The following ATP8A1 variants were observed in gnomAD, a reference collection of about 807,000 sequenced individuals.
ATP8A1 encodes phospholipid-transporting ATPase IA.
ATP8A1 carries 90 observed loss-of-function variants against 177.7 expected under a neutral mutation model. The observed-to-expected ratio is 0.51, with a 90% CI of 0.43 to 0.60. The LOEUF is 0.60. Ranked by LOEUF, ATP8A1 falls within the 20% of genes least tolerant of loss-of-function variation. ATP8A1 has a pLI of 0.00. For synonymous variants in ATP8A1, 493 were observed against 485.9 expected (o/e 1.01, Z -0.19); for missense variants, 1,072 against 1,392.8 (o/e 0.77, Z 3.67).
chr4:42,460,727 A>G (rs1042564020), intron 27 of ATP8A1, among the ~76,000 whole-genome samples: 1 of 152,152 alleles, frequency 6.6e-6, no homozygotes, highest in African/African-American at 2.4e-5. Context: ...AACAGTCAAC[A>G]GATTAAATGG....
chr4:42,615,034 A>C (rs1736758834), intron 5 of ATP8A1, among the ~76,000 whole-genome samples: 3 of 152,174 alleles, frequency 2.0e-5, no homozygotes, highest in Non-Finnish European at 4.4e-5. Flanking sequence ...TTCCACACAG[A>C]TCATCTCTTT....
chr4:42,609,519 C>G (rs941626022), intron 5 of ATP8A1, among the ~76,000 whole-genome samples: 1 of 152,210 alleles, frequency 6.6e-6, no homozygotes, highest in African/African-American at 2.4e-5. Flanking sequence ...AGTCATTCCA[C>G]AACTCCTTGC....
chr4:42,601,114 C>A (rs1277538988), intron 5 of ATP8A1, among the ~76,000 whole-genome samples: 3 of 143,200 alleles, frequency 2.1e-5, no homozygotes. Flanking sequence ...TGGCTCACTG[C>A]AACCTCCGCC....
At chr4:42,435,970 A>G (rs1715946211) in intron 33 of ATP8A1, among the ~76,000 whole-genome samples, 1 of 151,964 alleles carries the variant, frequency 6.6e-6, no homozygotes, top group African/African-American at 2.4e-5. Context: ...TCTCCTTCCC[A>G]TTCCCTGGCC....
chr4:42,420,859 C>G (rs1308936128), intron 35 of ATP8A1, among the ~76,000 whole-genome samples: 1 of 151,396 alleles, frequency 6.6e-6, no homozygotes, highest in East Asian at 1.9e-4. Context: ...AGCTCTGCCT[C>G]CAGGATTCAC....
In ATP8A1 at chr4:42,549,046, C is replaced by A. The variant is rs1414720650; in HGVS notation, c.1619G>T (p.Arg540Ile). The A allele has an allele frequency of 6.2e-7, 1 of 1,612,074 alleles. No homozygotes were observed. Among genetic ancestry groups the A allele is most frequent in the Admixed American group, 1.7e-5 (1 of 59,880 alleles). Residue 540 changes from arginine to isoleucine, a missense_variant, in exon 19 of 37, where the codon AGA becomes ATA. By Grantham distance (97) the Arg-to-Ile change is moderately conservative. This residue lies in a region of ATP8A1 where 388 missense variants were observed against 471.7 expected (regional missense o/e 0.82). Coordinates refer to ENST00000381668, the MANE Select transcript of ATP8A1 (RefSeq NM_006095.2). ...VIIDSLGQEERYELLNVLEFT... is the reference protein window; with the variant it reads ...VIIDSLGQEEIYELLNVLEFT... Reference sequence around the variant, plus strand: ...CTCCAAGACATTGAGCAATTCATATCTTTCTTCCTGCCCCAGCTAAGAAGA... The same window carrying A: ...CTCCAAGACATTGAGCAATTCATATATTTCTTCCTGCCCCAGCTAAGAAGA...
chr4:42,519,316 A>C (rs767677117), intron 22 of ATP8A1, among the ~76,000 whole-genome samples: 1 of 152,032 alleles, frequency 6.6e-6, no homozygotes, highest in Non-Finnish European at 1.5e-5. Flanking sequence ...GCTGGTCTCA[A>C]ACTCCTGGGC....
At chr4:42,603,575 C>T (rs1414826027) in intron 5 of ATP8A1, among the ~76,000 whole-genome samples, 2 of 152,180 alleles carry the variant, frequency 1.3e-5, no homozygotes, top group African/African-American at 2.4e-5. Context: ...ATATGCCTCC[C>T]TGTTTATCCC....
At chr4:42,471,566 T>C (rs908653610) in intron 25 of ATP8A1, among the ~76,000 whole-genome samples, 5 of 152,250 alleles carry the variant, frequency 3.3e-5, no homozygotes, top group Admixed American at 6.5e-5. Flanking sequence ...TATGCATGTA[T>C]GTGCATGTGT....
intron 1 of ATP8A1, among the ~76,000 whole-genome samples, chr4:42,655,405 C>T (rs550261426): frequency 2.6e-4 from 39 of 152,288 alleles, no homozygotes; most frequent in Admixed American, 1.2e-3. Context: ...TTCTCTTCCC[C>T]TTATTTCCCA....
chr4:42,420,363 C>T (rs550836890), intron 35 of ATP8A1, among the ~76,000 whole-genome samples: 1 of 152,306 alleles, frequency 6.6e-6, no homozygotes, highest in African/African-American at 2.4e-5. Flanking sequence ...TTCCTGAGTT[C>T]TTAGGAAAAA....
chr4:42,601,327 C>G (rs183198022), intron 5 of ATP8A1, among the ~76,000 whole-genome samples: 1 of 150,620 alleles, frequency 6.6e-6, no homozygotes, highest in Non-Finnish European at 1.5e-5. Flanking sequence ...TGAGCCACCG[C>G]GCCTGGCCCT....
intron 1 of ATP8A1, among the ~76,000 whole-genome samples, chr4:42,655,276 A>G (rs1741501362): frequency 6.6e-6 from 1 of 152,222 alleles, no homozygotes; most frequent in African/African-American, 2.4e-5. Context: ...GAGTGTTGTA[A>G]GTTTCCATAA....
At chr4:42,471,854 G>A (rs879216617) in intron 25 of ATP8A1, 4 of 593,084 alleles carry the variant, frequency 6.7e-6, no homozygotes, top group South Asian at 4.4e-5. Context: ...ACAGCGAGAC[G>A]CCAAACGAGT....
At chr4:42,430,598 T>A (rs1373759750) in intron 33 of ATP8A1, among the ~76,000 whole-genome samples, 1 of 152,028 alleles carries the variant, frequency 6.6e-6, no homozygotes, top group Non-Finnish European at 1.5e-5. Context: ...GTATTGAGCT[T>A]AGATATTTTC....
chr4:42,538,708 T>C (rs779047466), intron 20 of ATP8A1, among the ~76,000 whole-genome samples: 2 of 152,208 alleles, frequency 1.3e-5, no homozygotes, highest in Non-Finnish European at 2.9e-5. Flanking sequence ...CACAATGTGA[T>C]ACCACCTTAC....
intron 22 of ATP8A1, among the ~76,000 whole-genome samples, chr4:42,515,194 T>C (rs4526008): frequency 0.77 from 117,735 of 152,146 alleles, 45,610 homozygotes; most frequent in East Asian, 0.88. Flanking sequence ...GAGCTAACTA[T>C]AAATGTTCTT....
chr4:42,424,182 A>G (rs1216321851), intron 33 of ATP8A1, among the ~76,000 whole-genome samples: 2 of 152,216 alleles, frequency 1.3e-5, no homozygotes, highest in Non-Finnish European at 2.9e-5. Flanking sequence ...AATATCTTGT[A>G]TGTAAAAGCC....
intron 20 of ATP8A1, among the ~76,000 whole-genome samples, chr4:42,541,899 A>C (rs1487219167): frequency 1.3e-5 from 2 of 152,198 alleles, no homozygotes; most frequent in African/African-American, 4.8e-5. Context: ...GGCGGGGCAC[A>C]GGGGATTTGT....
Sources: gnomAD v4.1 joint callset for allele counts (sites outside exome capture counted in the v4.1 genomes callset) on GRCh38, gnomAD v4.1.1 for gene constraint, gnomAD v4.1.1 regional missense constraint, MANE v1.5 for transcripts, NCBI Gene and HGNC (gene_info 2026-07-23, HGNC 2026-07-21) for gene names.